The following UGGT2 variants were observed in gnomAD, a reference collection of about 807,000 sequenced individuals.
UGGT2 encodes the protein UDP-glucose:glycoprotein glucosyltransferase 2.
A neutral mutation model predicts 192.1 loss-of-function variants in UGGT2; 180 were observed. The observed-to-expected ratio is 0.94, with a 90% CI of 0.83 to 1.06. The LOEUF (loss-of-function observed/expected upper bound fraction) is 1.06, where lower values mean the gene tolerates loss of function less well. Among genes scored for constraint, UGGT2 ranks in the 50% least tolerant of loss-of-function variants. UGGT2 has a pLI of 0.00. For missense variants in UGGT2, 1,849 were observed against 1,795.7 expected, an observed-to-expected ratio of 1.03 and a Z score of -0.54; for synonymous variants, 580 against 591.0, an observed-to-expected ratio of 0.98 and a Z score of 0.27.
At chr13:95,878,201 G>T (rs1372782908) in intron 27 of UGGT2, among the ~76,000 whole-genome samples, 1 of 151,926 alleles carries the variant, frequency 6.6e-6, no homozygotes, top group African/African-American at 2.4e-5. Context: ...TTCAGACTTG[G>T]CAAGAAAGCT....
At chr13:96,051,332 T>C (rs755716872) in intron 1 of UGGT2, among the ~76,000 whole-genome samples, 1 of 152,004 alleles carries the variant, frequency 6.6e-6, no homozygotes, top group Non-Finnish European at 1.5e-5. Context: ...GGGCCTGTTG[T>C]GGGGTTGGGG....
chr13:95,940,455 C>CT (rs1231173934), intron 15 of UGGT2, among the ~76,000 whole-genome samples: 2,769 of 125,322 alleles, frequency 0.022, 45 homozygotes, highest in East Asian at 0.061. Flanking sequence ...TTTTCTTTTT[C>CT]TTTTTTTTTT....
intron 1 of UGGT2, among the ~76,000 whole-genome samples, chr13:96,040,657 A>C (rs2053138630): frequency 6.6e-6 from 1 of 152,202 alleles, no homozygotes; most frequent in Non-Finnish European, 1.5e-5. Flanking sequence ...CAAATACTAT[A>C]AGTAAAAAAT....
At chr13:95,847,702 C>G (rs181310211) in intron 36 of UGGT2, among the ~76,000 whole-genome samples, 336 of 152,208 alleles carry the variant, frequency 2.2e-3, no homozygotes, top group Non-Finnish European at 3.6e-3. Flanking sequence ...ACTGATTCAC[C>G]TACTAAAAGA....
At chr13:95,814,324 G>A (rs1302125676) in intron 38 of UGGT2, among the ~76,000 whole-genome samples, 1 of 152,210 alleles carries the variant, frequency 6.6e-6, no homozygotes, top group East Asian at 1.9e-4. Context: ...CACAGGGGTG[G>A]AACTGCTCAA....
chr13:95,895,615 A>AT (rs2047925169), intron 22 of UGGT2, among the ~76,000 whole-genome samples: 1 of 152,098 alleles, frequency 6.6e-6, no homozygotes, highest in African/African-American at 2.4e-5. Flanking sequence ...AACATAAATC[A>AT]TAAATCGTGA....
At chr13:95,849,041 C>T (rs1047593650) in intron 36 of UGGT2, among the ~76,000 whole-genome samples, 2 of 152,072 alleles carry the variant, frequency 1.3e-5, no homozygotes, top group African/African-American at 2.4e-5. Context: ...TTAAATGATA[C>T]TGTGTTTTTA....
At chr13:95,834,445 C>T (rs1887069586) in intron 37 of UGGT2, among the ~76,000 whole-genome samples, 1 of 152,112 alleles carries the variant, frequency 6.6e-6, no homozygotes, top group African/African-American at 2.4e-5. Context: ...AAGAATTCTC[C>T]ACTCCTCAAT....
chr13:95,876,147 G>C (rs1231814696), intron 29 of UGGT2, among the ~76,000 whole-genome samples: 5 of 152,134 alleles, frequency 3.3e-5, no homozygotes, highest in African/African-American at 1.2e-4. Flanking sequence ...TACCAAAAAA[G>C]TGTGATAACT....
intron 25 of UGGT2, among the ~76,000 whole-genome samples, chr13:95,889,020 A>C (rs1594241761): frequency 6.6e-6 from 1 of 151,924 alleles, no homozygotes; most frequent in African/African-American, 2.4e-5. Context: ...GGGTCTTGCT[A>C]TGTTGCCCAG....
chr13:95,896,093 A>G (rs1306864800), intron 22 of UGGT2, among the ~76,000 whole-genome samples: 1 of 152,118 alleles, frequency 6.6e-6, no homozygotes, highest in Non-Finnish European at 1.5e-5. Context: ...GTAGACTGAC[A>G]TAATCCTATG....
chr13:95,896,626 G>A (rs2140262609), intron 22 of UGGT2, among the ~76,000 whole-genome samples: 1 of 151,958 alleles, frequency 6.6e-6, no homozygotes. Flanking sequence ...AACTACATTG[G>A]CTATCTTTAC....
At chr13:95,980,912 T>G (rs953801817) in intron 10 of UGGT2, among the ~76,000 whole-genome samples, 1 of 152,102 alleles carries the variant, frequency 6.6e-6, no homozygotes, top group African/African-American at 2.4e-5. Flanking sequence ...GCAGGAGAAT[T>G]GCTGGAACCC....
intron 17 of UGGT2, among the ~76,000 whole-genome samples, chr13:95,930,258 C>A (rs1277485586): frequency 6.6e-6 from 1 of 152,018 alleles, no homozygotes; most frequent in Non-Finnish European, 1.5e-5. Flanking sequence ...TTTTGTTGTA[C>A]TCTTTAATTA....
chr13:96,017,612 C>T (rs955310582), intron 4 of UGGT2, among the ~76,000 whole-genome samples: 2 of 152,160 alleles, frequency 1.3e-5, no homozygotes, highest in Admixed American at 1.3e-4. Context: ...TATTTATTTA[C>T]ATGTAAGAAC....
chr13:95,916,019 C>T (rs2048671524), intron 20 of UGGT2, among the ~76,000 whole-genome samples: 1 of 152,162 alleles, frequency 6.6e-6, no homozygotes, highest in Non-Finnish European at 1.5e-5. Context: ...AATGATCCAC[C>T]CCAACACAGC....
At chr13:95,879,021 C>T (rs1422711405) in intron 27 of UGGT2, among the ~76,000 whole-genome samples, 2 of 151,976 alleles carry the variant, frequency 1.3e-5, no homozygotes, top group Non-Finnish European at 2.9e-5. Flanking sequence ...ATTTACTTGA[C>T]TGGAAAGATT....
chr13:95,880,146 G>C (rs995636213), intron 27 of UGGT2, among the ~76,000 whole-genome samples: 1 of 152,098 alleles, frequency 6.6e-6, no homozygotes, highest in African/African-American at 2.4e-5. Context: ...CTGTTCTTCT[G>C]TGGCTGAATA....
At chr13:96,015,271 C>G (rs1329302523) in intron 4 of UGGT2, among the ~76,000 whole-genome samples, 1 of 133,408 alleles carries the variant, frequency 7.5e-6, no homozygotes, top group African/African-American at 2.8e-5. Flanking sequence ...GAGCAAGACT[C>G]CGTCTCAAAA....
Sources: gnomAD v4.1 joint callset for allele counts (sites outside exome capture counted in the v4.1 genomes callset) on GRCh38, gnomAD v4.1.1 for gene constraint, MANE v1.5 for transcripts, NCBI Gene and HGNC (gene_info 2026-07-23, HGNC 2026-07-21) for gene names.